SATB2: variants seen among roughly 807,000 people sequenced by gnomAD.
SATB2 encodes DNA-binding protein SATB2.
In SATB2, 1 loss-of-function variant was observed where a neutral mutation model predicts 73.4. That is an observed-to-expected ratio of 0.01 (90% confidence interval 0.00 to 0.06). The LOEUF (loss-of-function observed/expected upper bound fraction) is 0.06. Among genes scored for constraint, SATB2 ranks in the 10% least tolerant of loss-of-function variants. SATB2 has a pLI of 1.00. For missense variants in SATB2, 459 were observed against 945.8 expected (o/e 0.49, Z 6.75); for synonymous variants, 397 against 367.0 (o/e 1.08, Z -0.93).
At chr2:199,275,547 C>T (rs534877966) in intron 10 of SATB2, among the ~76,000 whole-genome samples, 1 of 152,148 alleles carries the variant, frequency 6.6e-6, no homozygotes, top group Non-Finnish European at 1.5e-5. Context: ...GGAGGATTCT[C>T]CTCCGAATTG....
intron 7 of SATB2, among the ~76,000 whole-genome samples, chr2:199,335,977 C>G (rs1688324190): frequency 6.6e-6 from 1 of 152,156 alleles, no homozygotes; most frequent in South Asian, 2.1e-4. Context: ...CCAAAACAGT[C>G]TGTGTTCCCT....
At chr2:199,422,243 T>TG (rs1691193941) in intron 3 of SATB2, among the ~76,000 whole-genome samples, 1 of 151,992 alleles carries the variant, frequency 6.6e-6, no homozygotes, top group Non-Finnish European at 1.5e-5. Flanking sequence ...TTACCTATTT[T>TG]TATCTCTAGA....
intron 6 of SATB2, among the ~76,000 whole-genome samples, chr2:199,366,574 T>C (rs1365571554): frequency 6.6e-6 from 1 of 152,070 alleles, no homozygotes; most frequent in Non-Finnish European, 1.5e-5. Flanking sequence ...TGAACTGTTT[T>C]ATGGCAGCTT....
intron 3 of SATB2, among the ~76,000 whole-genome samples, chr2:199,400,188 A>G (rs1381184967): frequency 6.6e-6 from 1 of 152,188 alleles, no homozygotes; most frequent in African/African-American, 2.4e-5. Context: ...GTGAAAAACT[A>G]TACAATTCAT....
chr2:199,435,633 C>T (rs905397068), intron 2 of SATB2, among the ~76,000 whole-genome samples: 1 of 152,140 alleles, frequency 6.6e-6, no homozygotes, highest in Non-Finnish European at 1.5e-5. Flanking sequence ...CATGAGCCAC[C>T]GTGCCTGGCC....
intron 10 of SATB2, among the ~76,000 whole-genome samples, chr2:199,279,544 G>T (rs1467195761): frequency 6.6e-6 from 1 of 152,184 alleles, no homozygotes; most frequent in Non-Finnish European, 1.5e-5. Flanking sequence ...TAGAGAAAAT[G>T]AGAAATTATT....
At chr2:199,383,153 A>C (rs1453150665) in intron 3 of SATB2, among the ~76,000 whole-genome samples, 1 of 152,234 alleles carries the variant, frequency 6.6e-6, no homozygotes, top group Non-Finnish European at 1.5e-5. Context: ...AATATGCTGC[A>C]GTATAAATAG....
At chr2:199,417,899 G>A (rs927833660) in intron 3 of SATB2, among the ~76,000 whole-genome samples, 10 of 152,136 alleles carry the variant, frequency 6.6e-5, no homozygotes, top group Non-Finnish European at 1.3e-4. Context: ...TTAAAAACAT[G>A]AATACCAGAA....
rs1687492740 is a variant in SATB2, at chr2:199,308,305, T to C, written c.1740+455A>G. 6.6e-6 allele frequency among the ~76,000 whole-genome samples: 1 copy of C among 152,206 alleles called. No individual in the cohort carries two copies. The highest frequency in any genetic ancestry group is 1.5e-5 in the Non-Finnish European group (1 of 68,046). ...CTCAAGGTTCAGCTGAGTTCAATGGTATTCCCTAGGTCATGTGGCTATTTC... is the reference window on the plus strand; with the variant it reads ...CTCAAGGTTCAGCTGAGTTCAATGGCATTCCCTAGGTCATGTGGCTATTTC... On this transcript the variant is annotated intron_variant, in intron 10 of 10. Coordinates refer to ENST00000417098, the MANE Select transcript of SATB2 (RefSeq NM_001172509.2). This position sits in a 1 kb window ranked among gnomAD's most constrained non-coding sequence, Gnocchi z 4.6.
upstream of SATB2, chr2:199,460,563 A>C (rs528210665): frequency 6.6e-6 from 1 of 152,484 alleles, no homozygotes; most frequent in South Asian, 2.1e-4. This position sits in a 1 kb window ranked among gnomAD's most constrained non-coding sequence, Gnocchi z 4.0. Context: ...TTTAGCCAGG[A>C]TCTTTCCTGT....
intron 2 of SATB2, among the ~76,000 whole-genome samples, chr2:199,439,815 T>C (rs1018098030): frequency 6.6e-6 from 1 of 152,004 alleles, no homozygotes; most frequent in Non-Finnish European, 1.5e-5. Context: ...CATCCTAAAA[T>C]AATAGAGGCT....
At chr2:199,327,554 T>C (rs1688064550) in intron 8 of SATB2, among the ~76,000 whole-genome samples, 1 of 152,182 alleles carries the variant, frequency 6.6e-6, no homozygotes, top group African/African-American at 2.4e-5. Context: ...ATCATAAATC[T>C]ATCGAGTAGT....
At chr2:199,355,770 C>T (rs1688963526) in intron 6 of SATB2, among the ~76,000 whole-genome samples, 1 of 152,066 alleles carries the variant, frequency 6.6e-6, no homozygotes, top group South Asian at 2.1e-4. Flanking sequence ...CTTGCTTCTG[C>T]TCTTTACTCT....
At chr2:199,309,642 C>T (rs1434241622) in intron 9 of SATB2, among the ~76,000 whole-genome samples, 1 of 152,154 alleles carries the variant, frequency 6.6e-6, no homozygotes, top group Non-Finnish European at 1.5e-5. Context: ...TCTCTTGCAA[C>T]TGCATGAGAA....
chr2:199,439,547 A>G (rs1691749184), intron 2 of SATB2, among the ~76,000 whole-genome samples: 1 of 152,238 alleles, frequency 6.6e-6, no homozygotes, highest in Non-Finnish European at 1.5e-5. Flanking sequence ...AAATACTGAA[A>G]CAAACTTTAC....
chr2:199,359,547 C>T (rs1689078433), intron 6 of SATB2, among the ~76,000 whole-genome samples: 1 of 151,920 alleles, frequency 6.6e-6, no homozygotes, highest in Non-Finnish European at 1.5e-5. Flanking sequence ...GATCAGTGCA[C>T]CATATAATAT....
intron 7 of SATB2, among the ~76,000 whole-genome samples, chr2:199,344,521 A>G (rs1024916819): frequency 2.0e-5 from 3 of 152,230 alleles, no homozygotes; most frequent in Non-Finnish European, 2.9e-5. Flanking sequence ...AGACTCTGTC[A>G]ATATTAGAAT....
chr2:199,353,148 C>CTTTTTTTTTTT (rs11369554), intron 6 of SATB2, among the ~76,000 whole-genome samples: 42 of 88,024 alleles, frequency 4.8e-4, no homozygotes, highest in Non-Finnish European at 6.3e-4. Flanking sequence ...ACGTTTTTGT[C>CTTTTTTTTTTT]TTTTTTTTTT....
intron 7 of SATB2, among the ~76,000 whole-genome samples, chr2:199,334,860 G>A (rs1003685163): frequency 5.9e-5 from 9 of 151,998 alleles, no homozygotes; most frequent in African/African-American, 1.7e-4. Flanking sequence ...CAACAAAATC[G>A]TTTCTCTCCT....
Sources: allele counts gnomAD v4.1 joint callset (sites outside exome capture counted in the v4.1 genomes callset), GRCh38; gene constraint gnomAD v4.1.1; non-coding constraint Gnocchi (gnomAD v3.1); transcripts MANE v1.5; gene names NCBI Gene and HGNC (gene_info 2026-07-23, HGNC 2026-07-21).